The following CDH13 variants were observed in gnomAD, a reference collection of about 807,000 sequenced individuals.
CDH13 encodes the protein cadherin-13.
In CDH13, 24 loss-of-function variants were observed where a neutral mutation model predicts 63.8. The observed-to-expected ratio is 0.38, with a 90% CI of 0.27 to 0.53. CDH13 has a LOEUF of 0.53. CDH13 is among the 20% of genes least tolerant of loss of function. The pLI is 0.85. For synonymous variants in CDH13, 503 were observed against 355.3 expected, an observed-to-expected ratio of 1.42 and a Z score of -4.67; for missense variants, 1,049 against 903.1, an observed-to-expected ratio of 1.16 and a Z score of -2.07.
chr16:83,301,395 A>AT (rs2151876314), intron 5 of CDH13, among the ~76,000 whole-genome samples: 1 of 151,930 alleles, frequency 6.6e-6, no homozygotes, highest in Non-Finnish European at 1.5e-5. Context: ...CCTCTCTGTG[A>AT]TTTTCCATTT....
At chr16:82,784,033 C>G (rs2035889691) in intron 1 of CDH13, among the ~76,000 whole-genome samples, 1 of 152,148 alleles carries the variant, frequency 6.6e-6, no homozygotes. Context: ...GGCAATTATC[C>G]TTTTTCACTC....
chr16:83,174,849 G>A (rs1014120377), intron 4 of CDH13, among the ~76,000 whole-genome samples: 3 of 152,062 alleles, frequency 2.0e-5, no homozygotes, highest in Non-Finnish European at 2.9e-5. Flanking sequence ...GAGAGAGAGA[G>A]AAAAAGAGCC....
intron 2 of CDH13, among the ~76,000 whole-genome samples, chr16:82,925,125 G>A (rs2042265180): frequency 6.6e-6 from 1 of 152,102 alleles, no homozygotes; most frequent in South Asian, 2.1e-4. Flanking sequence ...CCCTAGTTGA[G>A]GGGAAGGGCA....
chr16:82,826,181 C>G (rs1396801700), intron 1 of CDH13: 2 of 152,124 alleles, frequency 1.3e-5, no homozygotes, highest in Non-Finnish European at 2.9e-5. Flanking sequence ...GATGCATTGT[C>G]TACTAACAGG....
At chr16:82,975,448 A>G (rs1303610561) in intron 2 of CDH13, among the ~76,000 whole-genome samples, 1 of 152,162 alleles carries the variant, frequency 6.6e-6, no homozygotes, top group Non-Finnish European at 1.5e-5. Flanking sequence ...GCATGCTCTT[A>G]ACCTCTCTGA....
At chr16:82,818,568 G>C (rs1048510858) in intron 1 of CDH13, among the ~76,000 whole-genome samples, 6 of 152,148 alleles carry the variant, frequency 3.9e-5, no homozygotes, top group Non-Finnish European at 8.8e-5. Flanking sequence ...TTTTAGAAAG[G>C]GGTGGGGAAG....
At chr16:83,142,757 T>G (rs973875589) in intron 4 of CDH13, among the ~76,000 whole-genome samples, 1 of 150,804 alleles carries the variant, frequency 6.6e-6, no homozygotes, top group Admixed American at 6.6e-5. Context: ...ATTTTTTGAC[T>G]GAATGAATGG....
intron 2 of CDH13, among the ~76,000 whole-genome samples, chr16:82,872,768 G>A (rs2040387822): frequency 1.3e-5 from 2 of 152,128 alleles, no homozygotes; most frequent in African/African-American, 4.8e-5. Flanking sequence ...TAGAAATAGG[G>A]AATGGAAAAG....
At chr16:83,017,776 G>C (rs1205082350) in intron 2 of CDH13, among the ~76,000 whole-genome samples, 1 of 152,146 alleles carries the variant, frequency 6.6e-6, no homozygotes, top group African/African-American at 2.4e-5. Flanking sequence ...CCCAAGGTGT[G>C]TTCATATGAA....
chr16:83,750,040 G>A (rs434004), intron 11 of CDH13, among the ~76,000 whole-genome samples: 36,529 of 152,162 alleles, frequency 0.24, 4,979 homozygotes, highest in Non-Finnish European at 0.32. Flanking sequence ...GCTCATGCCT[G>A]TAGTCCCAGA....
At chr16:83,000,220 CTTATTTTTTTTTTTTTTTTTT>C (rs1317958745) in intron 2 of CDH13, among the ~76,000 whole-genome samples, 36 of 33,972 alleles carry the variant, frequency 1.1e-3, no homozygotes, top group African/African-American at 3.5e-3. Context: ...ACAGGTTTAG[CTTATTTTTTTTTTTTTTTTTT>C]TTTTTTTTTT....
At chr16:83,090,152 A>C (rs969347895) in intron 3 of CDH13, among the ~76,000 whole-genome samples, 8 of 152,122 alleles carry the variant, frequency 5.3e-5, no homozygotes, top group Non-Finnish European at 7.4e-5. Flanking sequence ...CCCAGGTCCC[A>C]GCTTCTCCAC....
At chr16:82,722,352 C>T (rs2032826151) in intron 1 of CDH13, among the ~76,000 whole-genome samples, 2 of 152,108 alleles carry the variant, frequency 1.3e-5, no homozygotes, top group African/African-American at 4.8e-5. Flanking sequence ...CAGGGTCTTC[C>T]CATGTGATAC....
intron 3 of CDH13, among the ~76,000 whole-genome samples, chr16:83,077,176 TTTTTCTTTTC>T (rs2032902080): frequency 4.3e-5 from 6 of 140,392 alleles, no homozygotes; most frequent in African/African-American, 1.6e-4. Context: ...TCTTTTCTTT[TTTTTCTTTTC>T]TTTTTTTTTT....
chr16:83,086,318 A>G (rs2033591461), intron 3 of CDH13, among the ~76,000 whole-genome samples: 1 of 152,222 alleles, frequency 6.6e-6, no homozygotes, highest in Admixed American at 6.5e-5. Context: ...GCAGTATTTC[A>G]ATTCCAGATC....
At chr16:83,170,316 A>C (rs1208096452) in intron 4 of CDH13, among the ~76,000 whole-genome samples, 1 of 152,078 alleles carries the variant, frequency 6.6e-6, no homozygotes, top group Non-Finnish European at 1.5e-5. Context: ...TGTTTTCTCA[A>C]AGCTACTGTC....
At chr16:82,910,964 C>T (rs970078045) in intron 2 of CDH13, among the ~76,000 whole-genome samples, 1 of 152,062 alleles carries the variant, frequency 6.6e-6, no homozygotes, top group East Asian at 1.9e-4. Context: ...TGAGCAATGC[C>T]CTCCGCCAGA....
At chr16:82,773,744 T>C (rs78042778) in intron 1 of CDH13, among the ~76,000 whole-genome samples, 7,785 of 152,230 alleles carry the variant, frequency 0.051, 245 homozygotes, top group Middle Eastern at 0.12. Flanking sequence ...GCATTTTTTT[T>C]TCTTTTTCTT....
chr16:83,260,456 G>A (rs769497346), intron 5 of CDH13, among the ~76,000 whole-genome samples: 10 of 150,694 alleles, frequency 6.6e-5, no homozygotes, highest in African/African-American at 1.5e-4. Context: ...TCTGCGTGGC[G>A]CAGCCATCCT....
Sources: gnomAD v4.1 joint callset for allele counts (sites outside exome capture counted in the v4.1 genomes callset) on GRCh38, gnomAD v4.1.1 for gene constraint, MANE v1.5 for transcripts, NCBI Gene and HGNC (gene_info 2026-07-23, HGNC 2026-07-21) for gene names.